The following TMEM170B variants were observed in gnomAD, a reference collection of about 807,000 sequenced individuals.
TMEM170B encodes transmembrane protein 170B.
Under a neutral mutation model 13.0 loss-of-function variants are expected in TMEM170B, and 6 were observed. The observed-to-expected ratio is 0.46, with a 90% CI of 0.25 to 0.91. The LOEUF is 0.91. Ranked by LOEUF, TMEM170B falls within the 40% of genes least tolerant of loss-of-function variation. TMEM170B has a pLI of 0.17. For synonymous variants in TMEM170B, 61 were observed against 64.9 expected (o/e 0.94, Z 0.29); for missense variants, 138 against 165.2 (o/e 0.84, Z 0.90).
intron 1 of TMEM170B, among the ~76,000 whole-genome samples, chr6:11,538,705 C>T (rs556466832): frequency 6.6e-6 from 1 of 152,320 alleles, no homozygotes; most frequent in African/African-American, 2.4e-5. Flanking sequence ...CGCTTTTATT[C>T]CATTACCCTC....
Position 11,575,517 on chromosome 6 carries a change from C to G in TMEM170B, c.355C>G (p.Leu119Val). ...GGTATGGGGCGTTGGACAGACTGTA[C>G]TGACATTAATCATCTCCTTTTCAAG... is the stretch of plus-strand genomic sequence containing the variant. Reference protein sequence around the residue: ...ALVWGVGQTVLTLIISFSRIL... With the variant: ...ALVWGVGQTVVTLIISFSRIL... Residue 119 changes from leucine to valine, a missense_variant, in exon 3 of 3, where the codon CTG becomes GTG. Coordinates refer to ENST00000379426, the MANE Select transcript of TMEM170B (RefSeq NM_001100829.3). The surrounding 1 kb of genome is among the most constrained non-coding windows in gnomAD (Gnocchi z 4.1). 6.2e-7 allele frequency: 1 copy of G among 1,613,372 alleles called. No homozygotes were observed. Among genetic ancestry groups the G allele is most frequent in the Non-Finnish European group, 8.5e-7 (1 of 1,179,530 alleles).
At chr6:11,573,630 G>T (rs565158073) in intron 2 of TMEM170B, among the ~76,000 whole-genome samples, 103 of 152,298 alleles carry the variant, frequency 6.8e-4, no homozygotes, top group African/African-American at 2.3e-3. Flanking sequence ...ATGTAAGCAT[G>T]CAACGTTTGA....
intron 1 of TMEM170B, among the ~76,000 whole-genome samples, chr6:11,562,779 C>T (rs1483234792): frequency 6.6e-6 from 1 of 152,074 alleles, no homozygotes; most frequent in African/African-American, 2.4e-5. Flanking sequence ...CACTTGTACT[C>T]TTCTCTATTG....
chr6:11,556,907 T>A (rs1365472829), intron 1 of TMEM170B, among the ~76,000 whole-genome samples: 1 of 152,042 alleles, frequency 6.6e-6, no homozygotes, highest in Non-Finnish European at 1.5e-5. Flanking sequence ...AGCAGTCACC[T>A]CCCGCAGGCC....
intron 1 of TMEM170B, among the ~76,000 whole-genome samples, chr6:11,564,807 G>C (rs934739780): frequency 6.6e-6 from 1 of 152,168 alleles, no homozygotes. Flanking sequence ...GCTACCCAAA[G>C]AGCAAGGACA....
intron 1 of TMEM170B, among the ~76,000 whole-genome samples, chr6:11,556,629 T>C (rs888972231): frequency 1.3e-5 from 2 of 152,146 alleles, no homozygotes; most frequent in Admixed American, 6.5e-5. Context: ...CAAACTCTTC[T>C]TACATTTGTG....
intron 2 of TMEM170B, among the ~76,000 whole-genome samples, chr6:11,574,071 C>G (rs932014772): frequency 5.9e-5 from 9 of 152,046 alleles, no homozygotes; most frequent in African/African-American, 2.2e-4. Context: ...GATTTATAGC[C>G]AGACTAACCT....
At chr6:11,550,139 C>CTA (rs1382600103) in intron 1 of TMEM170B, among the ~76,000 whole-genome samples, 1 of 151,310 alleles carries the variant, frequency 6.6e-6, no homozygotes, top group Non-Finnish European at 1.5e-5. Flanking sequence ...TGCCCTGCCT[C>CTA]TAATTTTTTT....
At chr6:11,564,686 T>C (rs1759712750) in intron 1 of TMEM170B, among the ~76,000 whole-genome samples, 1 of 152,236 alleles carries the variant, frequency 6.6e-6, no homozygotes, top group Non-Finnish European at 1.5e-5. Flanking sequence ...AAATAACTCA[T>C]TAAGGGACTT....
chr6:11,564,134 C>A (rs989775752), intron 1 of TMEM170B, among the ~76,000 whole-genome samples: 4 of 152,056 alleles, frequency 2.6e-5, no homozygotes, highest in Non-Finnish European at 5.9e-5. Flanking sequence ...TTTATTTATC[C>A]ATTCAGGGAC....
intron 1 of TMEM170B, among the ~76,000 whole-genome samples, chr6:11,545,280 C>CTCTCTGTGTGTG (rs1442789332): frequency 2.6e-4 from 37 of 139,806 alleles, no homozygotes; most frequent in African/African-American, 6.4e-4. Flanking sequence ...CTCTCTCTCT[C>CTCTCTGTGTGTG]TGTGTGTGTG....
At chr6:11,573,612 C>G (rs1045123308) in intron 2 of TMEM170B, among the ~76,000 whole-genome samples, 7 of 152,196 alleles carry the variant, frequency 4.6e-5, no homozygotes, top group Admixed American at 1.3e-4. Context: ...ACCCATGCTC[C>G]TCACCTTATG....
intron 1 of TMEM170B, among the ~76,000 whole-genome samples, chr6:11,555,173 GT>G (rs983215565): frequency 4.6e-5 from 7 of 151,136 alleles, no homozygotes; most frequent in South Asian, 2.1e-4. Context: ...TGTCTTTATA[GT>G]TTTTTTTTCC....
rs1213422158 is a variant in TMEM170B, at chr6:11,537,871, C to T, written c.-407C>T. On this transcript the variant is annotated 5_prime_UTR_variant, in exon 1 of 3. Transcript: ENST00000379426. Reference sequence around the variant, plus strand: ...TGGGCCCTGTCGGGGGCTGCACCTGCCGGCTGCCCATCAGCACCGGCCTCC... The same window carrying T: ...TGGGCCCTGTCGGGGGCTGCACCTGTCGGCTGCCCATCAGCACCGGCCTCC... Among the ~76,000 whole-genome samples the T allele has an allele frequency of 2.0e-5, 3 of 151,746 alleles. No individual in the cohort carries two copies. Among genetic ancestry groups the T allele is most frequent in the African/African-American group, 7.3e-5 (3 of 41,370 alleles).
chr6:11,560,582 T>A (rs1180247938), intron 1 of TMEM170B, among the ~76,000 whole-genome samples: 2 of 135,658 alleles, frequency 1.5e-5, no homozygotes, highest in African/African-American at 2.7e-5. Flanking sequence ...TGCTATCTCT[T>A]AAAAAAAAAA....
At chr6:11,571,130 A>G (rs1759795046) in intron 2 of TMEM170B, among the ~76,000 whole-genome samples, 1 of 150,190 alleles carries the variant, frequency 6.7e-6, no homozygotes, top group African/African-American at 2.5e-5. Flanking sequence ...TTTTCCACCC[A>G]TAGCTCTTTG....
At chr6:11,568,670 T>C (rs552950021) in intron 2 of TMEM170B, among the ~76,000 whole-genome samples, 1 of 152,246 alleles carries the variant, frequency 6.6e-6, no homozygotes, top group African/African-American at 2.4e-5. Flanking sequence ...CAATAAAACA[T>C]TTAATTTTTT....
At chr6:11,572,302 G>A (rs1483671199) in intron 2 of TMEM170B, among the ~76,000 whole-genome samples, 1 of 151,940 alleles carries the variant, frequency 6.6e-6, no homozygotes, top group Non-Finnish European at 1.5e-5. Flanking sequence ...AATAAATTGT[G>A]GTATATTCAT....
rs560300547 is a variant in TMEM170B, at chr6:11,581,103, G to C, written c.*5542G>C. The C allele has an allele frequency of 1.3e-5, 2 of 152,176 alleles. No individual in the cohort carries two copies. Among genetic ancestry groups the C allele is most frequent in the East Asian group, 3.8e-4 (2 of 5,200 alleles). 9.4% of individuals were successfully genotyped at this position (152,176 alleles called of 1,614,324 possible). ...TATATCAGATAATACTTTTAAATTA[G>C]TGGAAACACATTTCTGAGTGAACTG... On this transcript the variant is annotated 3_prime_UTR_variant, in exon 3 of 3. Coordinates refer to ENST00000379426, the MANE Select transcript of TMEM170B (RefSeq NM_001100829.3).
Sources: gnomAD v4.1 joint callset for allele counts (sites outside exome capture counted in the v4.1 genomes callset) on GRCh38, gnomAD v4.1.1 for gene constraint, Gnocchi (gnomAD v3.1) non-coding constraint, MANE v1.5 for transcripts, NCBI Gene and HGNC (gene_info 2026-07-23, HGNC 2026-07-21) for gene names.